The following THADA variants were observed in gnomAD, a reference collection of about 807,000 sequenced individuals.
THADA encodes the protein tRNA (32-2'-O)-methyltransferase regulator THADA.
Under a neutral mutation model 219.8 loss-of-function variants are expected in THADA, and 213 were observed. The ratio of observed to expected loss-of-function variants is 0.97; its 90% CI spans 0.87 to 1.09. The LOEUF (loss-of-function observed/expected upper bound fraction) is 1.09, where lower values mean the gene tolerates loss of function less well. Among genes scored for constraint, THADA ranks in the 50% least tolerant of loss-of-function variants. THADA has a pLI of 0.00. For missense variants in THADA, 2,956 were observed against 2,311.3 expected, an observed-to-expected ratio of 1.28 and a Z score of -5.72; for synonymous variants, 1,018 against 828.9, an observed-to-expected ratio of 1.23 and a Z score of -3.92.
intron 31 of THADA, among the ~76,000 whole-genome samples, chr2:43,294,969 G>C (rs1017601652): frequency 6.6e-6 from 1 of 152,160 alleles, no homozygotes; most frequent in South Asian, 2.1e-4. Context: ...ATAGAAATTG[G>C]GTAAACCAGC....
In THADA at chr2:43,291,688, A is replaced by AGCCTTACC; in HGVS notation, c.5010_5010+7dup. On this transcript the variant is annotated splice_region_variant and intron_variant, in intron 34 of 37. Coordinates refer to ENST00000405975, the MANE Select transcript of THADA (RefSeq NM_022065.5). The stretch of plus-strand genomic sequence containing the variant: ...TAGGTCCCGGAACAAGATCAGAACC[A>AGCCTTACC]GCCTTACCTCCACACATGTCTGCAT... 1 of 1,541,352 alleles carries AGCCTTACC rather than the reference A, an allele frequency of 6.5e-7. No homozygotes were observed. The highest frequency in any genetic ancestry group is 8.8e-7 in the Non-Finnish European group (1 of 1,140,420).
intron 25 of THADA, among the ~76,000 whole-genome samples, chr2:43,490,347 C>T (rs1687472013): frequency 6.6e-6 from 1 of 152,076 alleles, no homozygotes; most frequent in African/African-American, 2.4e-5. Flanking sequence ...CTCTAGTTGG[C>T]CTACTAGGAA....
intron 31 of THADA, among the ~76,000 whole-genome samples, chr2:43,295,412 C>T (rs891823975): frequency 4.6e-5 from 7 of 152,222 alleles, no homozygotes; most frequent in Non-Finnish European, 8.8e-5. Context: ...AGTCATCCCC[C>T]ACTTATGAAT....
At chr2:43,455,210 T>C (rs1178756645) in intron 26 of THADA, among the ~76,000 whole-genome samples, 1 of 152,182 alleles carries the variant, frequency 6.6e-6, no homozygotes, top group Non-Finnish European at 1.5e-5. Context: ...TTCCCTAGTA[T>C]GTACTGAAAT....
intron 26 of THADA, among the ~76,000 whole-genome samples, chr2:43,440,996 C>T (rs915773449): frequency 2.6e-5 from 4 of 152,170 alleles, no homozygotes; most frequent in African/African-American, 9.7e-5. Context: ...AAAGAAGGTA[C>T]TTACTGAAAA....
Position 43,231,099 on chromosome 2 carries a change from A to G in THADA, c.5711T>C (p.Leu1904Pro), listed in dbSNP as rs777910643. ...CAAAGTCCTTTCCTCTTGAATGCGT[A>G]GTCTTGTGAACTCCACTGTCTTCAC... ...EFVKTVEFTRLRIQEERTLAC... is the reference protein window; with the variant it reads ...EFVKTVEFTRPRIQEERTLAC... Residue 1904 changes from leucine (L) to proline (P), a missense_variant, in exon 38 of 38, where the codon CTA becomes CCA. Transcript: ENST00000405975. 1.2e-6 allele frequency: 2 copies of G among 1,613,950 alleles called. No homozygotes were observed. The highest frequency in any genetic ancestry group is 4.5e-5 in the East Asian group (2 of 44,872).
At chr2:43,577,509 C>CTT (rs572370994) in intron 9 of THADA, among the ~76,000 whole-genome samples, 99 of 144,200 alleles carry the variant, frequency 6.9e-4, no homozygotes, top group East Asian at 3.2e-3. Context: ...TTAACAACTG[C>CTT]TTTTTTTTTT....
intron 28 of THADA, among the ~76,000 whole-genome samples, chr2:43,411,783 C>G (rs1676339551): frequency 6.6e-6 from 1 of 152,146 alleles, no homozygotes; most frequent in South Asian, 2.1e-4. Context: ...GTGGTGGTAT[C>G]TTTGTTCAGA....
At chr2:43,573,877 G>A (rs994384064) in intron 11 of THADA, among the ~76,000 whole-genome samples, 2 of 152,058 alleles carry the variant, frequency 1.3e-5, no homozygotes, top group South Asian at 4.1e-4. Context: ...AACTATAGAT[G>A]GCTATTTCTT....
At chr2:43,373,936 T>G (rs1175592860) in intron 29 of THADA, among the ~76,000 whole-genome samples, 2 of 152,244 alleles carry the variant, frequency 1.3e-5, no homozygotes, top group African/African-American at 4.8e-5. Flanking sequence ...ATTTTATATT[T>G]GCCTGAGAGT....
chr2:43,591,216 C>T (rs1701530239), intron 3 of THADA, among the ~76,000 whole-genome samples: 1 of 151,836 alleles, frequency 6.6e-6, no homozygotes. Context: ...CCCAGCTACT[C>T]AGGGGGCTGA....
intron 29 of THADA, among the ~76,000 whole-genome samples, chr2:43,370,520 T>A (rs1016226527): frequency 2.0e-5 from 3 of 152,096 alleles, no homozygotes; most frequent in African/African-American, 7.2e-5. Flanking sequence ...ATTTGAAACA[T>A]AAAGATCATT....
chr2:43,239,631 TG>T (rs776691365), intron 36 of THADA, among the ~76,000 whole-genome samples: 3 of 152,254 alleles, frequency 2.0e-5, no homozygotes, highest in Non-Finnish European at 4.4e-5. Context: ...TAAAGTATTA[TG>T]GGGGAGATGA....
intron 4 of THADA, 40 bp from the exon 5 acceptor site, chr2:43,587,042 T>C (rs1192061741): frequency 5.1e-6 from 8 of 1,578,840 alleles, no homozygotes; most frequent in Non-Finnish European, 6.9e-6. Flanking sequence ...GACAATCTAA[T>C]AGCCCCAGAA....
chr2:43,251,121 G>A (rs1669765371), intron 36 of THADA, among the ~76,000 whole-genome samples: 1 of 152,148 alleles, frequency 6.6e-6, no homozygotes, highest in Admixed American at 6.6e-5. Flanking sequence ...TTGCTTTCTG[G>A]TAATAAAGCA....
At chr2:43,412,194 A>G (rs1349444933) in intron 28 of THADA, among the ~76,000 whole-genome samples, 1 of 152,184 alleles carries the variant, frequency 6.6e-6, no homozygotes, top group Non-Finnish European at 1.5e-5. Flanking sequence ...AGTTCAATCA[A>G]TTAACAAATT....
chr2:43,522,506 T>C lies in THADA; in HGVS notation c.3374+5373A>G, dbSNP rs557182455. ...ACCAGATAGCTGGTTCTCTCAATTA[T>C]TTAATATAATCATTCCCTAAGATCA... On this transcript the variant is annotated intron_variant, in intron 22 of 37. Coordinates refer to ENST00000405975, the MANE Select transcript of THADA (RefSeq NM_022065.5). 5.3e-5 allele frequency among the ~76,000 whole-genome samples: 8 copies of C among 152,334 alleles called. No homozygotes were observed. In the East Asian group the frequency reaches 1.5e-3, roughly 29 times the overall value.
At chr2:43,280,564 A>G (rs184899669) in intron 35 of THADA, among the ~76,000 whole-genome samples, 1 of 152,190 alleles carries the variant, frequency 6.6e-6, no homozygotes, top group African/African-American at 2.4e-5. Flanking sequence ...CCTGAGAGGC[A>G]GAGGTTGCAG....
chr2:43,262,293 C>T (rs540480671), intron 36 of THADA, among the ~76,000 whole-genome samples: 1 of 152,226 alleles, frequency 6.6e-6, no homozygotes, highest in Non-Finnish European at 1.5e-5. Context: ...AGAGGATGCA[C>T]ACTCTTTATT....
Sources: allele counts gnomAD v4.1 joint callset (sites outside exome capture counted in the v4.1 genomes callset), GRCh38; gene constraint gnomAD v4.1.1; transcripts MANE v1.5; gene names NCBI Gene and HGNC (gene_info 2026-07-23, HGNC 2026-07-21).